Variants in RNF180 observed in about 807,000 individuals in gnomAD.
RNF180 encodes the protein ring finger protein 180.
In RNF180, 38 loss-of-function variants were observed where a neutral mutation model predicts 59.2. The observed-to-expected ratio is 0.64, with a 90% CI of 0.50 to 0.84. The LOEUF is 0.84. RNF180 is among the 40% of genes least tolerant of loss of function. The pLI is 0.00. For synonymous variants in RNF180, 262 were observed against 240.3 expected (o/e 1.09, Z -0.84); for missense variants, 705 against 700.9 (o/e 1.01, Z -0.07).
At chr5:64,357,639 T>G (rs1746082186) in intron 7 of RNF180, among the ~76,000 whole-genome samples, 2 of 151,748 alleles carry the variant, frequency 1.3e-5, no homozygotes, top group African/African-American at 4.8e-5. Context: ...TCCAAAAACA[T>G]ATATTGAATG....
At chr5:64,287,167 A>G (rs995549813) in intron 5 of RNF180, among the ~76,000 whole-genome samples, 13 of 152,032 alleles carry the variant, frequency 8.6e-5, no homozygotes, top group African/African-American at 2.4e-4. Context: ...GGGTTTCACC[A>G]TCTTGGCCGG....
chr5:64,308,653 A>G (rs906707186), intron 5 of RNF180, among the ~76,000 whole-genome samples: 1 of 151,648 alleles, frequency 6.6e-6, no homozygotes, highest in African/African-American at 2.4e-5. Flanking sequence ...TTTGCCACCC[A>G]AGACTGGTTT....
intron 3 of RNF180, among the ~76,000 whole-genome samples, chr5:64,212,406 A>G (rs759163728): frequency 6.6e-6 from 1 of 151,984 alleles, no homozygotes; most frequent in Non-Finnish European, 1.5e-5. Context: ...ACAGAAGCAT[A>G]TATATGACAT....
In RNF180 at chr5:64,291,591, AT is replaced by A. The variant is rs371191205; in HGVS notation, c.1228-33586del. Among the ~76,000 whole-genome samples the A allele has an allele frequency of 3.3e-5, 5 of 149,552 alleles. No individual in the cohort carries two copies. In the East Asian group the frequency reaches 7.9e-4, roughly 24 times the overall value. On this transcript the variant is annotated intron_variant, in intron 5 of 7. Coordinates refer to ENST00000389100, the MANE Select transcript of RNF180 (RefSeq NM_001113561.2). ...AAGTGCCCACCACCGCACCCGGCTAATTTTTTTTTGTATTTTTAGTAGAGAC... is the reference window on the plus strand; with the variant it reads ...AAGTGCCCACCACCGCACCCGGCTAATTTTTTTTGTATTTTTAGTAGAGAC...
chr5:64,286,897 C>T (rs770484312), intron 5 of RNF180, among the ~76,000 whole-genome samples: 3 of 152,056 alleles, frequency 2.0e-5, no homozygotes, highest in African/African-American at 7.2e-5. Flanking sequence ...ATATAAAGGG[C>T]AAACTGGAAG....
rs186942047 is a variant in RNF180, at chr5:64,244,389, C to T, written c.1227+26993C>T. 4.9e-5 allele frequency among the ~76,000 whole-genome samples: 7 copies of T among 141,642 alleles called. No homozygotes were observed. In the East Asian group the frequency reaches 5.8e-4, roughly 12 times the overall value. The allele number at this position is 141,642 out of a possible 152,430, so 92.9% of individuals were successfully genotyped here. ...CTAGAATAACAAGTTTGGAGAGGAA[C>T]ATAAATGACCTGATGGAGCTGAAAA... On this transcript the variant is annotated intron_variant, in intron 5 of 7. Transcript: ENST00000389100.
intron 7 of RNF180, among the ~76,000 whole-genome samples, chr5:64,333,093 A>G (rs1744977308): frequency 6.6e-6 from 1 of 152,250 alleles, no homozygotes; most frequent in Non-Finnish European, 1.5e-5. Context: ...ATATAAGCAC[A>G]TACTACTTTA....
rs367763458 is a variant in RNF180, at chr5:64,217,361, G to A, written c.1192G>A (p.Gly398Ser). The change falls in exon 5 of 8, where the codon GGT becomes AGT. Residue 398 changes from glycine (G) to serine (S), a missense_variant and splice_region_variant. Coordinates refer to ENST00000389100, the MANE Select transcript of RNF180 (RefSeq NM_001113561.2). ...RRRERWLQKQ[G>S]KYSGVGLLDH... is the part of the protein sequence containing the mutation. The stretch of plus-strand genomic sequence containing the variant: ...TGAACCTAATTTTTTATTTCTCTAG[G>A]GTAAATACTCAGGAGTGGGATTGCT... The A allele has an allele frequency of 3.6e-6, 5 of 1,405,340 alleles. No homozygotes were observed. Among genetic ancestry groups the A allele is most frequent in the Non-Finnish European group, 4.7e-6 (5 of 1,074,924 alleles). The allele number at this position is 1,405,340 out of a possible 1,614,324, so 87.1% of individuals were successfully genotyped here. A position where few individuals can be genotyped will look rare whatever the true frequency, so the allele number is the denominator to read the frequency against.
At chr5:64,245,580 A>G (rs977581896) in intron 5 of RNF180, among the ~76,000 whole-genome samples, 3 of 152,228 alleles carry the variant, frequency 2.0e-5, no homozygotes, top group Admixed American at 6.5e-5. Flanking sequence ...TCCTAAATAT[A>G]TATGCACCCA....
At chr5:64,351,034 T>C (rs1162201852) in intron 7 of RNF180, among the ~76,000 whole-genome samples, 5 of 152,034 alleles carry the variant, frequency 3.3e-5, no homozygotes, top group East Asian at 1.9e-4. Flanking sequence ...ATTCTTCCTA[T>C]CCATGAGCAT....
intron 5 of RNF180, among the ~76,000 whole-genome samples, chr5:64,258,700 T>A (rs577041599): frequency 1.1e-4 from 16 of 152,310 alleles, no homozygotes; most frequent in African/African-American, 3.8e-4. Context: ...CATATGTATG[T>A]TTAGAGTTTA....
intron 7 of RNF180, among the ~76,000 whole-genome samples, chr5:64,359,004 T>A (rs1235105529): frequency 6.6e-6 from 1 of 150,868 alleles, no homozygotes; most frequent in Admixed American, 6.6e-5. Context: ...ATGGTGTATA[T>A]GTGCCACATT....
chr5:64,256,148 G>A (rs1433392111), intron 5 of RNF180, among the ~76,000 whole-genome samples: 2 of 152,040 alleles, frequency 1.3e-5, no homozygotes. Context: ...CATTCTGTAG[G>A]TTGCCTGTTC....
intron 5 of RNF180, among the ~76,000 whole-genome samples, chr5:64,260,147 T>C (rs1261007626): frequency 1.3e-5 from 2 of 152,186 alleles, no homozygotes; most frequent in Non-Finnish European, 1.5e-5. Flanking sequence ...TTTATACATA[T>C]TTATGCATAT....
chr5:64,165,536 GA>G (rs1242342790), upstream of RNF180, among the ~76,000 whole-genome samples: 2 of 152,368 alleles, frequency 1.3e-5, no homozygotes, highest in East Asian at 3.9e-4. Flanking sequence ...CTTAACTCCA[GA>G]AAAGGCCGAG....
rs143527292 is a variant in RNF180, at chr5:64,322,134, C to T, written c.1228-3052C>T. Among the ~76,000 whole-genome samples the T allele has an allele frequency of 1.6e-3, 244 of 152,178 alleles. 3 individuals carry two copies. The highest frequency in any genetic ancestry group is 9.9e-4 in the Non-Finnish European group (67 of 68,004). On this transcript the variant is annotated intron_variant, in intron 5 of 7. Transcript: ENST00000389100. ...ATTATGAAAACGCCAAAAGCAATTGCGACAAAGGCTAAAATTGATAAATAG... is the reference window on the plus strand; with the variant it reads ...ATTATGAAAACGCCAAAAGCAATTGTGACAAAGGCTAAAATTGATAAATAG...
rs73100374 is a variant in RNF180 at position 64,185,207 on chromosome 5, A to G, written c.1-15601A>G. Among the ~76,000 whole-genome samples, 754 of 152,320 alleles carry G rather than the reference A, an allele frequency of 5.0e-3. 9 individuals carry two copies. The highest frequency in any genetic ancestry group is 0.017 in the African/African-American group (706 of 41,572). On this transcript the variant is annotated intron_variant, in intron 1 of 7. Transcript: ENST00000389100. Reference sequence around the variant, plus strand: ...ATAACTTAACACCTTCACTGCTATCACCTTAATCTAACTTTTGGCTATATT... The same window carrying G: ...ATAACTTAACACCTTCACTGCTATCGCCTTAATCTAACTTTTGGCTATATT...
chr5:64,322,672 G>A (rs978670324), intron 5 of RNF180, among the ~76,000 whole-genome samples: 199 of 150,182 alleles, frequency 1.3e-3, no homozygotes, highest in African/African-American at 4.6e-3. Flanking sequence ...TAAAAGGAAT[G>A]AAATAATGGC....
chr5:64,335,346 T>C (rs1745076134), intron 7 of RNF180, among the ~76,000 whole-genome samples: 1 of 152,078 alleles, frequency 6.6e-6, no homozygotes, highest in Non-Finnish European at 1.5e-5. Flanking sequence ...TCTTCATCTT[T>C]CTGGTGTGTA....
Sources: gnomAD v4.1 joint callset for allele counts (sites outside exome capture counted in the v4.1 genomes callset) on GRCh38, gnomAD v4.1.1 for gene constraint, MANE v1.5 for transcripts, NCBI Gene and HGNC (gene_info 2026-07-23, HGNC 2026-07-21) for gene names.